DDX43: variants seen among roughly 807,000 people sequenced by gnomAD.
The protein encoded by DDX43 is DEAD-box helicase 43, also known as probable ATP-dependent RNA helicase DDX43.
In DDX43, 50 loss-of-function variants were observed where a neutral mutation model predicts 84.9. The observed-to-expected ratio is 0.59, with a 90% CI of 0.47 to 0.75. DDX43 has a LOEUF of 0.75. Among genes scored for constraint, DDX43 ranks in the 30% least tolerant of loss-of-function variants. The probability of loss-of-function intolerance (pLI) is 0.00; values close to 1 mark genes in which losing one functional copy is unlikely to be tolerated. For synonymous variants in DDX43, 291 were observed against 266.3 expected, an observed-to-expected ratio of 1.09 and a Z score of -0.90; for missense variants, 689 against 798.6, an observed-to-expected ratio of 0.86 and a Z score of 1.65.
chr6:73,409,426 A>G (rs1020635556), intron 10 of DDX43, 78 bp downstream of exon 10: 8 of 1,130,734 alleles, frequency 7.1e-6, no homozygotes, highest in East Asian at 2.4e-5. Context: ...TTTTCCCACA[A>G]TATTTGAGCA....
At chr6:73,416,559 T>C (rs765107542) in intron 16 of DDX43, among the ~76,000 whole-genome samples, 3 of 152,226 alleles carry the variant, frequency 2.0e-5, no homozygotes, top group African/African-American at 7.2e-5. Context: ...AACTCAGTCA[T>C]ATAGATGAAC....
chr6:73,398,247 G>A (rs1278195453), intron 2 of DDX43, among the ~76,000 whole-genome samples: 12 of 151,712 alleles, frequency 7.9e-5, no homozygotes, highest in South Asian at 6.2e-4. Flanking sequence ...ACTCTTGGAG[G>A]TAAAAATCTT....
chr6:73,400,283 C>T lies in DDX43; in HGVS notation c.356C>T (p.Ala119Val), dbSNP rs1401787676. ...TTAGTCAAAATTTTTGGCAGCAAGGCAATGCAAACGAAAGCAAAAGCAGTG... is the reference window on the plus strand; with the variant it reads ...TTAGTCAAAATTTTTGGCAGCAAGGTAATGCAAACGAAAGCAAAAGCAGTG... ...ESLVKIFGSK[A>V]MQTKAKAVID... Residue 119 changes from alanine (A) to valine (V), a missense_variant, in exon 3 of 17, where the codon GCA (alanine) becomes GTA (valine). Ala to Val is a moderately conservative substitution (Grantham distance 64). Transcript: ENST00000370336. 2 of 1,607,930 alleles carry T rather than the reference C, an allele frequency of 1.2e-6. No individual in the cohort carries two copies. The highest frequency in any genetic ancestry group is 1.7e-6 in the Non-Finnish European group (2 of 1,177,598).
chr6:73,415,955 A>G (rs1343259651), intron 15 of DDX43, among the ~76,000 whole-genome samples, 158 bp from the exon 16 acceptor site: 1 of 152,210 alleles, frequency 6.6e-6, no homozygotes, highest in African/African-American at 2.4e-5. Context: ...AGCAAATTTT[A>G]TAGCCTGTAG....
At chr6:73,407,855 C>T (rs1452420026) in intron 8 of DDX43, 105 bp from the exon 9 acceptor site, 2 of 1,131,736 alleles carry the variant, frequency 1.8e-6, no homozygotes, top group Non-Finnish European at 1.3e-6. Flanking sequence ...GGGCAGATAC[C>T]CCTAAAGGTA....
chr6:73,400,582 G>C (rs1769548406), intron 3 of DDX43, among the ~76,000 whole-genome samples: 1 of 152,048 alleles, frequency 6.6e-6, no homozygotes, highest in Non-Finnish European at 1.5e-5. Context: ...TTTAGCCACA[G>C]GTAAGTGAAA....
At chr6:73,398,394 G>A (rs1449663775) in intron 2 of DDX43, among the ~76,000 whole-genome samples, 1 of 152,062 alleles carries the variant, frequency 6.6e-6, no homozygotes, top group African/African-American at 2.4e-5. Flanking sequence ...TGGGATTACA[G>A]GCCCCCGCCA....
rs1381242759 is a variant in DDX43 at position 73,409,266 on chromosome 6, A to G, written c.1198A>G (p.Lys400Glu). Residue 400 changes from lysine (K) to glutamate (E), a missense_variant, in exon 10 of 17, where the codon AAG (lysine) becomes GAG (glutamate). This residue lies in a region of DDX43 where 552 missense variants were observed against 692.7 expected (regional missense o/e 0.80). Coordinates refer to ENST00000370336, the MANE Select transcript of DDX43 (RefSeq NM_018665.3). ...ITYLVLDEADKMLDMGFEPQI... is the reference protein window; with the variant it reads ...ITYLVLDEADEMLDMGFEPQI... ...AATGCAGGTTTTAGATGAAGCAGAC[A>G]AGATGTTGGACATGGGATTTGAACC... The G allele has an allele frequency of 6.2e-7, 1 of 1,614,040 alleles. No individual in the cohort carries two copies. The highest frequency in any genetic ancestry group is 8.5e-7 in the Non-Finnish European group (1 of 1,180,010).
At chr6:73,412,887 T>C (rs999933167) in intron 11 of DDX43, among the ~76,000 whole-genome samples, 2 of 152,012 alleles carry the variant, frequency 1.3e-5, no homozygotes, top group African/African-American at 2.4e-5. Flanking sequence ...TGGCTACTAC[T>C]CCTGGCTAAG....
intron 1 of DDX43, 88 bp from the exon 2 acceptor site, chr6:73,397,601 C>T: frequency 9.6e-7 from 1 of 1,040,884 alleles, no homozygotes; most frequent in Admixed American, 1.9e-5. Flanking sequence ...GGGGGAAGAA[C>T]TAGAGAATGT....
intron 11 of DDX43, among the ~76,000 whole-genome samples, chr6:73,412,704 C>T (rs1337242455): frequency 8.6e-6 from 1 of 115,786 alleles, no homozygotes; most frequent in Admixed American, 9.5e-5. Context: ...CGTGCGTGCG[C>T]ACGCATGTGC....
At position 73,395,064 on chromosome 6, in the gene DDX43, C is replaced by T; in HGVS notation, c.159C>T (p.Gly53=). ...TCGGCAGAGGTGGTCGCTGGAGAGG[C>T]ACCTCTAGGCCCCCGGAGGCCGTGG... ...YSVGRGGRWR[G]TSRPPEAVAA... is the part of the protein sequence containing the mutation. The change falls in exon 1 of 17, where the codon GGC becomes GGT. Residue 53 remains glycine (G), a synonymous_variant. Coordinates refer to ENST00000370336, the MANE Select transcript of DDX43 (RefSeq NM_018665.3). 6.2e-7 allele frequency: 1 copy of T among 1,613,612 alleles called. No individual in the cohort carries two copies. Among genetic ancestry groups the T allele is most frequent in the Non-Finnish European group, 8.5e-7 (1 of 1,179,832 alleles).
At chr6:73,396,536 T>C (rs550299848) in intron 1 of DDX43, among the ~76,000 whole-genome samples, 1 of 152,340 alleles carries the variant, frequency 6.6e-6, no homozygotes, top group Admixed American at 6.5e-5. Context: ...CTTAAGTTAA[T>C]ACTTAGCAGA....
intron 1 of DDX43, among the ~76,000 whole-genome samples, chr6:73,395,892 T>C (rs1436757392): frequency 1.3e-5 from 2 of 152,102 alleles, no homozygotes; most frequent in Non-Finnish European, 2.9e-5. Context: ...CCTTAATTTT[T>C]AAAAAGTTAA....
At chr6:73,413,188 T>C (rs1406040509) in intron 11 of DDX43, among the ~76,000 whole-genome samples, 1 of 152,096 alleles carries the variant, frequency 6.6e-6, no homozygotes, top group Non-Finnish European at 1.5e-5. Flanking sequence ...TCCATTATAA[T>C]ATAAAGTTCT....
At chr6:73,397,659 A>G in intron 1 of DDX43, 30 bp from the exon 2 acceptor site, 1 of 1,556,200 alleles carries the variant, frequency 6.4e-7, no homozygotes, top group South Asian at 1.1e-5. Context: ...TTCAACTTAT[A>G]ACAATATATT....
intron 15 of DDX43, 137 bp from the exon 16 acceptor site, chr6:73,415,976 G>C: frequency 1.6e-6 from 1 of 607,416 alleles, no homozygotes; most frequent in Non-Finnish European, 2.9e-6. Flanking sequence ...ATGGATGTAG[G>C]GTTTAATCGA....
intron 5 of DDX43, 48 bp downstream of exon 5, chr6:73,404,819 T>G: frequency 7.0e-7 from 1 of 1,420,844 alleles, no homozygotes; most frequent in Non-Finnish European, 9.8e-7. Flanking sequence ...ATAGTTACGT[T>G]ATTGGTATTA....
Position 73,413,792 on chromosome 6 carries a change from A to G in DDX43, c.1496+7A>G. ...TCGTTTCTCGAAAAGCTGTGTAGGT[A>G]TTTTTTCTTGTGTGTCCATTATAAT... On this transcript the variant is annotated splice_region_variant and intron_variant, in intron 12 of 16. Coordinates refer to ENST00000370336, the MANE Select transcript of DDX43 (RefSeq NM_018665.3). The G allele has an allele frequency of 1.9e-6, 3 of 1,610,536 alleles. No homozygotes were observed. The highest frequency in any genetic ancestry group is 2.5e-6 in the Non-Finnish European group (3 of 1,178,990).
Sources: gnomAD v4.1 joint callset for allele counts (sites outside exome capture counted in the v4.1 genomes callset) on GRCh38, gnomAD v4.1.1 for gene constraint, gnomAD v4.1.1 regional missense constraint, MANE v1.5 for transcripts, NCBI Gene and HGNC (gene_info 2026-07-23, HGNC 2026-07-21) for gene names.